The following RAD54L2 variants were observed in gnomAD, a reference collection of about 807,000 sequenced individuals.
RAD54L2 encodes the protein helicase ARIP4.
In RAD54L2, 27 loss-of-function variants were observed where a neutral mutation model predicts 138.4. The observed-to-expected ratio is 0.20, with a 90% CI of 0.14 to 0.27. The LOEUF is 0.27. RAD54L2 is among the 10% of genes least tolerant of loss of function. The pLI, the probability that RAD54L2 is intolerant of heterozygous loss-of-function variation, is 1.00. For synonymous variants in RAD54L2, 644 were observed against 723.2 expected, an observed-to-expected ratio of 0.89 and a Z score of 1.76; for missense variants, 1,396 against 1,890.2, an observed-to-expected ratio of 0.74 and a Z score of 4.85.
At chr3:51,540,265 T>C (rs1698517398) in intron 1 of RAD54L2, among the ~76,000 whole-genome samples, 1 of 152,244 alleles carries the variant, frequency 6.6e-6, no homozygotes, top group African/African-American at 2.4e-5. Flanking sequence ...CATCCTTAAA[T>C]CCATGAAATT....
At chr3:51,566,737 A>T (rs1042815193) in intron 2 of RAD54L2, among the ~76,000 whole-genome samples, 2 of 151,956 alleles carry the variant, frequency 1.3e-5, no homozygotes, top group Non-Finnish European at 2.9e-5. Flanking sequence ...TATCTGTGGG[A>T]ATCTCACATG....
In RAD54L2 at chr3:51,638,483, A is replaced by T; in HGVS notation, c.1860+162A>T. 1.3e-6 allele frequency: 1 copy of T among 790,316 alleles called. No homozygotes were observed. The highest frequency in any genetic ancestry group is 2.0e-6 in the Non-Finnish European group (1 of 506,208). The allele number at this position is 790,316 out of a possible 1,614,324, so 49.0% of individuals were successfully genotyped here. ...TTTGGGGGCTCCAAGGAGAGAGGTG[A>T]TGGTTTTGTACCACATAACTCCTGG... On this transcript the variant is annotated intron_variant, in intron 12 of 22. Transcript: ENST00000684192. The surrounding 1 kb of genome is among the most constrained non-coding windows in gnomAD (Gnocchi z 4.3).
intron 2 of RAD54L2, among the ~76,000 whole-genome samples, chr3:51,552,927 A>G (rs1021280627): frequency 4.6e-5 from 7 of 152,098 alleles, no homozygotes; most frequent in Non-Finnish European, 1.0e-4. Context: ...ACATTTATTT[A>G]TTGAAGAGGA....
At chr3:51,584,977 T>C (rs1314304582) in intron 2 of RAD54L2, among the ~76,000 whole-genome samples, 1 of 151,800 alleles carries the variant, frequency 6.6e-6, no homozygotes, top group Non-Finnish European at 1.5e-5. Context: ...GGCTAATTTT[T>C]TTTTTGTAGA....
At chr3:51,597,223 TATAA>T (rs1699981961) in intron 3 of RAD54L2, among the ~76,000 whole-genome samples, 6 of 151,158 alleles carry the variant, frequency 4.0e-5, no homozygotes, top group Non-Finnish European at 7.4e-5. Context: ...TCAAGAATTT[TATAA>T]CAAATCAAAG....
At chr3:51,652,634 A>ACCATCTGATC (rs1359994115) in intron 19 of RAD54L2, among the ~76,000 whole-genome samples, 1 of 152,236 alleles carries the variant, frequency 6.6e-6, no homozygotes, top group Non-Finnish European at 1.5e-5. Context: ...CACGTCTACA[A>ACCATCTGATC]CCATCTGATC....
intron 2 of RAD54L2, among the ~76,000 whole-genome samples, chr3:51,560,124 C>A (rs1468972470): frequency 1.3e-5 from 2 of 150,954 alleles, no homozygotes; most frequent in Non-Finnish European, 1.5e-5. Context: ...AGAGCTCCCA[C>A]CCCATGATAT....
At position 51,627,563 on chromosome 3, in the gene RAD54L2, G is replaced by A; in HGVS notation, c.150G>A (p.Leu50=). 2 of 1,551,284 alleles carry A rather than the reference G, an allele frequency of 1.3e-6. No homozygotes were observed. Among genetic ancestry groups the A allele is most frequent in the Non-Finnish European group, 1.7e-6 (2 of 1,147,384 alleles). The change falls in exon 4 of 23, where the codon CTG becomes CTA. Residue 50 remains leucine (L), a synonymous_variant. Coordinates refer to ENST00000684192, the MANE Select transcript of RAD54L2 (RefSeq NM_015106.4). ...DEEDLLDDPS[L]EGMCGTEHAQ... ...CCCTTGTTTTTTCAGACCCATCCCT[G>A]GAAGGCATGTGTGGCACTGAGCATG... is the stretch of plus-strand genomic sequence containing the variant.
chr3:51,637,529 C>T lies in RAD54L2; in HGVS notation c.1682+26C>T. 1 of 1,583,762 alleles carries T rather than the reference C, an allele frequency of 6.3e-7. No individual in the cohort carries two copies. ...GTGAGCCATCCTCAGGGTCCTGCTT[C>T]CTGAATTTTCAGAGGGCCCTGTTGC... is the stretch of plus-strand genomic sequence containing the variant. On this transcript the variant is annotated intron_variant, in intron 11 of 22. Coordinates refer to ENST00000684192, the MANE Select transcript of RAD54L2 (RefSeq NM_015106.4). This position sits in a 1 kb window ranked among gnomAD's most constrained non-coding sequence, Gnocchi z 5.9.
chr3:51,619,408 T>A (rs985314418), intron 3 of RAD54L2, among the ~76,000 whole-genome samples: 1 of 152,180 alleles, frequency 6.6e-6, no homozygotes, highest in African/African-American at 2.4e-5. Flanking sequence ...CTCATAGGCC[T>A]GCTCTGGATT....
intron 3 of RAD54L2, among the ~76,000 whole-genome samples, chr3:51,598,072 G>A (rs1453159266): frequency 2.0e-5 from 3 of 147,846 alleles, no homozygotes; most frequent in African/African-American, 5.0e-5. Context: ...AAAGAATGTG[G>A]TATTAAGCCT....
At chr3:51,631,171 A>G (rs1460323736) in intron 7 of RAD54L2, among the ~76,000 whole-genome samples, 4 of 152,222 alleles carry the variant, frequency 2.6e-5, no homozygotes, top group African/African-American at 9.7e-5. Context: ...TACTCCGTAG[A>G]AAGCACTGGA....
intron 2 of RAD54L2, among the ~76,000 whole-genome samples, chr3:51,548,733 C>A (rs1698761212): frequency 1.3e-5 from 2 of 151,756 alleles, no homozygotes; most frequent in African/African-American, 4.8e-5. Context: ...TTATTTCAGG[C>A]TGCTGGCCAA....
chr3:51,594,437 A>G (rs1699914193), intron 3 of RAD54L2, among the ~76,000 whole-genome samples: 1 of 152,160 alleles, frequency 6.6e-6, no homozygotes, highest in African/African-American at 2.4e-5. Flanking sequence ...AGATGGGGAA[A>G]CTGGGGCTCA....
rs142364901 is a variant in RAD54L2, at chr3:51,560,263, A to G, written c.-55+18613A>G. On this transcript the variant is annotated intron_variant, in intron 2 of 22. Coordinates refer to ENST00000684192, the MANE Select transcript of RAD54L2 (RefSeq NM_015106.4). ...TAGGCCCTGGTTAGGGAAACCTGGA[A>G]AAGAAACCTCATGTGTCTTTTACTC... Among the ~76,000 whole-genome samples the G allele has an allele frequency of 8.9e-3, 1,356 of 152,304 alleles. 29 individuals are homozygous for G. Among genetic ancestry groups the G allele is most frequent in the African/African-American group, 0.029 (1,210 of 41,566 alleles).
intron 2 of RAD54L2, among the ~76,000 whole-genome samples, chr3:51,584,491 G>A (rs1459973966): frequency 6.6e-6 from 1 of 152,020 alleles, no homozygotes; most frequent in Non-Finnish European, 1.5e-5. Context: ...TATGCATTGG[G>A]TGTGATTGGA....
intron 1 of RAD54L2, among the ~76,000 whole-genome samples, chr3:51,540,417 C>G (rs1469665878): frequency 6.6e-6 from 1 of 152,240 alleles, no homozygotes; most frequent in Admixed American, 6.5e-5. Flanking sequence ...GGCCTGTACA[C>G]TGTCTCCCTG....
chr3:51,642,697 A>G (rs1356386119), intron 15 of RAD54L2, among the ~76,000 whole-genome samples: 1 of 152,154 alleles, frequency 6.6e-6, no homozygotes, highest in Non-Finnish European at 1.5e-5. Context: ...GGGGAGTGGG[A>G]GTATGGAGAA....
At chr3:51,598,753 C>T (rs1214971080) in intron 3 of RAD54L2, among the ~76,000 whole-genome samples, 1 of 152,028 alleles carries the variant, frequency 6.6e-6, no homozygotes, top group Non-Finnish European at 1.5e-5. Flanking sequence ...GAGACTCTGT[C>T]TCCAACAAAC....
Sources: allele counts gnomAD v4.1 joint callset (sites outside exome capture counted in the v4.1 genomes callset), GRCh38; gene constraint gnomAD v4.1.1; non-coding constraint Gnocchi (gnomAD v3.1); transcripts MANE v1.5; gene names NCBI Gene and HGNC (gene_info 2026-07-23, HGNC 2026-07-21).